TAFA2: variants seen among roughly 807,000 people sequenced by gnomAD.
The protein encoded by TAFA2 is chemokine-like protein TAFA-2.
In TAFA2, 7 loss-of-function variants were observed where a neutral mutation model predicts 18.8. That is an observed-to-expected ratio of 0.37 (90% CI 0.21 to 0.70). The LOEUF is 0.70. Ranked by LOEUF, TAFA2 falls within the 30% of genes least tolerant of loss-of-function variation. The pLI, the probability that TAFA2 is intolerant of heterozygous loss-of-function variation, is 0.53. For synonymous variants in TAFA2, 60 were observed against 54.2 expected (o/e 1.11, Z -0.47); for missense variants, 122 against 158.1 (o/e 0.77, Z 1.23).
At position 61,754,909 on chromosome 12, in the gene TAFA2, C is replaced by A. The variant is rs766597781; in HGVS notation, c.222G>T (p.Val74=). The change falls in exon 3 of 5, where the codon GTG becomes GTT. Residue 74 remains valine, a synonymous_variant. Transcript: ENST00000416284. The part of the protein sequence containing the change: ...TVKCSCFPGQ[V]AGTTRAAPSC... Reference sequence around the variant, plus strand: ...ATGGAGCAGCTCGCGTGGTGCCTGCCACCTGCCCAGGGAAGCAGGAGCACT... The same window carrying A: ...ATGGAGCAGCTCGCGTGGTGCCTGCAACCTGCCCAGGGAAGCAGGAGCACT... 2 of 1,612,938 alleles carry A rather than the reference C, an allele frequency of 1.2e-6. No individual in the cohort carries two copies. Among genetic ancestry groups the A allele is most frequent in the South Asian group, 1.1e-5 (1 of 91,040 alleles).
At chr12:61,900,687 A>G (rs1474713902) in intron 1 of TAFA2, among the ~76,000 whole-genome samples, 1 of 152,156 alleles carries the variant, frequency 6.6e-6, no homozygotes, top group Non-Finnish European at 1.5e-5. Context: ...ACCTTCCATC[A>G]GATCCCTCCC....
intron 2 of TAFA2, among the ~76,000 whole-genome samples, chr12:61,852,382 A>G (rs1873711048): frequency 6.6e-6 from 1 of 152,164 alleles, no homozygotes; most frequent in African/African-American, 2.4e-5. Context: ...ACAACAGGGA[A>G]CAGAGCGAGT....
rs114706647 is a variant in TAFA2 at position 62,211,107 on chromosome 12, C to T, written c.-130+47656G>A. On this transcript the variant is annotated intron_variant, in intron 1 of 5. Coordinates refer to the TAFA2 transcript ENST00000551619. ...GAACACTGTCATCTGAGTGGATTTA[C>T]TACACATTTAATTGTACATAGATAG... 7.6e-3 allele frequency among the ~76,000 whole-genome samples: 1,156 copies of T among 152,244 alleles called. 17 individuals are homozygous for T. The highest frequency in any genetic ancestry group is 0.027 in the African/African-American group (1,121 of 41,542).
intron 1 of TAFA2, among the ~76,000 whole-genome samples, chr12:62,158,178 G>T (rs1040192198): frequency 1.4e-4 from 21 of 151,978 alleles, no homozygotes; most frequent in African/African-American, 4.3e-4. Flanking sequence ...GATAGAGCCT[G>T]GCACATAGTA....
intron 1 of TAFA2, among the ~76,000 whole-genome samples, chr12:61,898,716 G>C (rs1217139798): frequency 6.6e-6 from 1 of 152,156 alleles, no homozygotes; most frequent in Non-Finnish European, 1.5e-5. Context: ...TGATGGGAGG[G>C]CCTGCAGGGA....
chr12:61,849,764 CCTTT>C (rs1873564442), intron 2 of TAFA2, among the ~76,000 whole-genome samples: 1 of 152,144 alleles, frequency 6.6e-6, no homozygotes, highest in Non-Finnish European at 1.5e-5. Flanking sequence ...GACGGTCTCA[CCTTT>C]CTTTTTTACA....
rs550040827 is a variant in TAFA2 at position 62,113,949 on chromosome 12, G to A, written c.-2+77310C>T. On this transcript the variant is annotated intron_variant, in intron 1 of 4. Coordinates refer to ENST00000416284, the MANE Select transcript of TAFA2 (RefSeq NM_178539.5). ...GGGCTCCATGGGGTTGGGATCCACT[G>A]AGCTAGACCACTTGGCTCCCTGGCT... 2.0e-5 allele frequency among the ~76,000 whole-genome samples: 3 copies of A among 152,314 alleles called. No individual in the cohort carries two copies. The South Asian group carries it at 6.2e-4, about 32-fold the overall frequency.
intron 1 of TAFA2, among the ~76,000 whole-genome samples, chr12:62,236,105 T>C (rs2062836006): frequency 6.6e-6 from 1 of 152,176 alleles, no homozygotes; most frequent in Admixed American, 6.5e-5. Context: ...TCCTATCTTT[T>C]AACAGATTTC....
At position 62,100,137 on chromosome 12, in the gene TAFA2, C is replaced by CTA; in HGVS notation, c.-2+91120_-2+91121dup. ...TGCCTCTTCATAATAGCAACTCCCT[C>CTA]TACACACACACACACACACACACAC... On this transcript the variant is annotated intron_variant, in intron 1 of 4. Coordinates refer to ENST00000416284, the MANE Select transcript of TAFA2 (RefSeq NM_178539.5). Among the ~76,000 whole-genome samples, 3 of 118,790 alleles carry CTA rather than the reference C, an allele frequency of 2.5e-5. No individual in the cohort carries two copies. In the South Asian group the frequency reaches 7.7e-4, roughly 30 times the overall value. 77.9% of individuals were successfully genotyped at this position (118,790 alleles called of 152,430 possible).
intron 4 of TAFA2, among the ~76,000 whole-genome samples, chr12:61,729,509 T>C (rs911521851): frequency 3.9e-5 from 6 of 152,030 alleles, no homozygotes; most frequent in Non-Finnish European, 8.8e-5. Flanking sequence ...TGTTCAATTC[T>C]ATTGTTGATA....
intron 1 of TAFA2, among the ~76,000 whole-genome samples, chr12:62,229,688 G>A (rs1467428095): frequency 6.6e-6 from 1 of 150,742 alleles, no homozygotes; most frequent in Non-Finnish European, 1.5e-5. Flanking sequence ...TTTTAATTGT[G>A]TCTGTCTAGT....
At chr12:62,133,965 C>T (rs373795697) in intron 1 of TAFA2, among the ~76,000 whole-genome samples, 10 of 152,014 alleles carry the variant, frequency 6.6e-5, no homozygotes, top group South Asian at 2.1e-4. Flanking sequence ...CTTCATCTCA[C>T]GATACTCTAC....
intron 1 of TAFA2, among the ~76,000 whole-genome samples, chr12:62,117,739 T>G (rs1434960591): frequency 6.6e-6 from 1 of 152,140 alleles, no homozygotes; most frequent in East Asian, 1.9e-4. Context: ...GCTGTTTTTC[T>G]TATAACATAC....
intron 1 of TAFA2, among the ~76,000 whole-genome samples, chr12:62,173,179 G>A (rs185959597): frequency 4.6e-5 from 7 of 152,156 alleles, no homozygotes; most frequent in Non-Finnish European, 8.8e-5. Context: ...TTGGGAGGCC[G>A]AGGCGGGAGG....
At chr12:62,198,909 A>C (rs1255437535) in intron 1 of TAFA2, among the ~76,000 whole-genome samples, 4 of 152,248 alleles carry the variant, frequency 2.6e-5, no homozygotes, top group Admixed American at 1.3e-4. Flanking sequence ...CAAGAAGACC[A>C]TTTCACAAAG....
At chr12:61,910,226 T>C (rs369541498) in intron 1 of TAFA2, among the ~76,000 whole-genome samples, 57 of 152,124 alleles carry the variant, frequency 3.7e-4, no homozygotes, top group African/African-American at 1.2e-3. Context: ...ATTCATGGAT[T>C]TTAGGGGTAC....
At chr12:61,902,091 T>TAAAAAAAAAAAAAAAAA (rs750989820) in intron 1 of TAFA2, among the ~76,000 whole-genome samples, 4 of 116,466 alleles carry the variant, frequency 3.4e-5, no homozygotes, top group African/African-American at 1.4e-4. Context: ...GCAGGAATGT[T>TAAAAAAAAAAAAAAAAA]AAAAAAAAAA....
intron 1 of TAFA2, among the ~76,000 whole-genome samples, chr12:62,025,546 CTGTT>C (rs1313240434): frequency 6.6e-6 from 1 of 152,076 alleles, no homozygotes; most frequent in Non-Finnish European, 1.5e-5. Context: ...ATATTATGGA[CTGTT>C]TGTACTTAAA....
intron 1 of TAFA2, among the ~76,000 whole-genome samples, chr12:61,940,921 T>C (rs1489257535): frequency 6.6e-6 from 1 of 152,168 alleles, no homozygotes; most frequent in East Asian, 1.9e-4. Flanking sequence ...TACTAGATTA[T>C]CCAAGATAGG....
Sources: allele counts gnomAD v4.1 joint callset (sites outside exome capture counted in the v4.1 genomes callset), GRCh38; gene constraint gnomAD v4.1.1; transcripts MANE v1.5; gene names NCBI Gene and HGNC (gene_info 2026-07-23, HGNC 2026-07-21).